The following TCAIM variants were observed in gnomAD, a reference collection of about 807,000 sequenced individuals.
TCAIM encodes T cell activation inhibitor, mitochondrial, also known as T-cell activation inhibitor, mitochondrial.
Under a neutral mutation model 58.6 loss-of-function variants are expected in TCAIM, and 36 were observed. That is an observed-to-expected ratio of 0.61 (90% CI 0.47 to 0.81). TCAIM has a LOEUF of 0.81. Among genes scored for constraint, TCAIM ranks in the 30% least tolerant of loss-of-function variants. The probability of loss-of-function intolerance (pLI) is 0.00; values close to 1 mark genes in which losing one functional copy is unlikely to be tolerated. For synonymous variants in TCAIM, 172 were observed against 193.6 expected (o/e 0.89, Z 0.93); for missense variants, 466 against 579.6 (o/e 0.80, Z 2.01).
intron 8 of TCAIM, among the ~76,000 whole-genome samples, chr3:44,399,891 G>T: frequency 6.6e-6 from 1 of 152,138 alleles, no homozygotes. Context: ...GAAGTGTCCA[G>T]CTCAGTGCTT....
chr3:44,405,776 C>A (rs1702090442), intron 10 of TCAIM, among the ~76,000 whole-genome samples: 1 of 151,342 alleles, frequency 6.6e-6, no homozygotes, highest in Admixed American at 6.6e-5. Flanking sequence ...GCCAACATGG[C>A]AAAACCCTGC....
chr3:44,349,245 G>T (rs549435562), intron 1 of TCAIM, among the ~76,000 whole-genome samples: 24 of 152,274 alleles, frequency 1.6e-4, no homozygotes, highest in Non-Finnish European at 1.5e-5. Flanking sequence ...ACGTGTAAAA[G>T]AATGCCTGGA....
At chr3:44,354,074 T>C (rs1701146117) in intron 1 of TCAIM, among the ~76,000 whole-genome samples, 1 of 152,214 alleles carries the variant, frequency 6.6e-6, no homozygotes, top group Non-Finnish European at 1.5e-5. Flanking sequence ...CTGTGACCCA[T>C]TTTGAGTTAA....
intron 1 of TCAIM, among the ~76,000 whole-genome samples, chr3:44,342,633 A>G (rs1295616959): frequency 6.6e-6 from 1 of 152,060 alleles, no homozygotes; most frequent in Non-Finnish European, 1.5e-5. Flanking sequence ...ACTTGAACCC[A>G]CTAAACATCT....
intron 5 of TCAIM, among the ~76,000 whole-genome samples, chr3:44,370,896 C>G (rs901198904): frequency 1.8e-4 from 27 of 146,662 alleles, no homozygotes; most frequent in Non-Finnish European, 6.0e-5. Context: ...CATGTGCCAC[C>G]ATACCTGGCT....
intron 5 of TCAIM, among the ~76,000 whole-genome samples, chr3:44,389,726 G>A (rs1701801648): frequency 6.8e-6 from 1 of 147,490 alleles, no homozygotes; most frequent in South Asian, 2.3e-4. Flanking sequence ...ATTATTAATT[G>A]CTATGCAAAG....
intron 5 of TCAIM, among the ~76,000 whole-genome samples, chr3:44,370,251 G>T (rs1337973170): frequency 6.6e-6 from 1 of 152,042 alleles, no homozygotes; most frequent in Non-Finnish European, 1.5e-5. Context: ...CACAAGGTCA[G>T]GAGATCAAGA....
At chr3:44,397,085 C>A (rs1275679815) in intron 8 of TCAIM, among the ~76,000 whole-genome samples, 1 of 152,086 alleles carries the variant, frequency 6.6e-6, no homozygotes, top group African/African-American at 2.4e-5. Context: ...TGAAGCACAG[C>A]CTGAAAGCCT....
intron 8 of TCAIM, among the ~76,000 whole-genome samples, chr3:44,398,536 T>A (rs1297507888): frequency 6.6e-6 from 1 of 151,970 alleles, no homozygotes; most frequent in African/African-American, 2.4e-5. Flanking sequence ...CCAGGACGGC[T>A]AAAATGAAAA....
In TCAIM at chr3:44,357,799, G is replaced by C; in HGVS notation, c.88G>C (p.Ala30Pro). 6.2e-7 allele frequency: 1 copy of C among 1,614,168 alleles called. No individual in the cohort carries two copies. Among genetic ancestry groups the C allele is most frequent in the Non-Finnish European group, 8.5e-7 (1 of 1,180,022 alleles). Residue 30 changes from alanine (A) to proline (P), a missense_variant, in exon 3 of 11, where the codon GCT becomes CCT. Transcript: ENST00000342649. ...WFPFSRALSG[A>P]EAVNALRPFY... The stretch of plus-strand genomic sequence containing the variant: ...TCCCTTTTCAAGAGCTTTATCGGGA[G>C]CTGAAGCAGTCAATGCCTTGAGGCC...
intron 5 of TCAIM, among the ~76,000 whole-genome samples, chr3:44,370,073 G>A (rs569179316): frequency 8.9e-6 from 1 of 111,950 alleles, no homozygotes; most frequent in South Asian, 4.5e-4. Context: ...GATAAGTTAT[G>A]TTGCTGTGAA....
At chr3:44,367,795 AT>A in intron 5 of TCAIM, 87 bp downstream of exon 5, 1 of 1,326,486 alleles carries the variant, frequency 7.5e-7, no homozygotes, top group South Asian at 1.8e-5. Context: ...ACATTTTTTT[AT>A]AAATAAAAAG....
At chr3:44,358,321 A>G in intron 3 of TCAIM, 5 of 818,024 alleles carry the variant, frequency 6.1e-6, no homozygotes, top group African/African-American at 1.7e-5. Flanking sequence ...CCAGGAATAC[A>G]AACTGATATG....
chr3:44,391,680 C>T (rs1202771287), intron 5 of TCAIM, among the ~76,000 whole-genome samples: 1 of 151,932 alleles, frequency 6.6e-6, no homozygotes, highest in Non-Finnish European at 1.5e-5. Context: ...GTGAAGAGGC[C>T]CTCCTGGAAG....
chr3:44,349,610 TG>T (rs1181726147), intron 1 of TCAIM, among the ~76,000 whole-genome samples: 1 of 152,108 alleles, frequency 6.6e-6, no homozygotes, highest in Non-Finnish European at 1.5e-5. Flanking sequence ...GTCCCCGTGG[TG>T]ATAACACACC....
chr3:44,392,881 G>A lies in TCAIM; in HGVS notation c.599G>A (p.Ser200Asn), dbSNP rs1257529113. The A allele has an allele frequency of 6.2e-6, 10 of 1,613,114 alleles. No homozygotes were observed. In the African/African-American group the frequency reaches 1.1e-4, roughly 17 times the overall value. Residue 200 changes from serine to asparagine, a missense_variant, in exon 6 of 11, where the codon AGT becomes AAT. Coordinates refer to ENST00000342649, the MANE Select transcript of TCAIM (RefSeq NM_173826.4). ...TCCTGGTTAGATAACAATGGGAAAA[G>A]TGCTGTTAAAAAGCTAAAGAACAGT... Reference protein sequence around the residue: ...LTSWLDNNGKSAVKKLKNSLP... With the variant: ...LTSWLDNNGKNAVKKLKNSLP...
chr3:44,338,770 T>A lies in TCAIM; in HGVS notation c.-109T>A, dbSNP rs904511544. ...CGGGCGGAGCGACTGTCCTCCCTTC[T>A]GGTGTACTGGGTGGGAGGTGGAACT... On this transcript the variant is annotated 5_prime_UTR_variant, in exon 1 of 11. Coordinates refer to ENST00000342649, the MANE Select transcript of TCAIM (RefSeq NM_173826.4). 1 of 152,292 alleles carries A rather than the reference T, an allele frequency of 6.6e-6. No homozygotes were observed. The highest frequency in any genetic ancestry group is 1.5e-5 in the Non-Finnish European group (1 of 68,102). 9.4% of individuals were successfully genotyped at this position (152,292 alleles called of 1,614,324 possible).
intron 1 of TCAIM, among the ~76,000 whole-genome samples, chr3:44,342,912 G>A (rs577626983): frequency 2.3e-4 from 35 of 152,096 alleles, no homozygotes; most frequent in Non-Finnish European, 3.8e-4. Context: ...CGAGGAAGGA[G>A]GATCAGCTGA....
intron 1 of TCAIM, among the ~76,000 whole-genome samples, chr3:44,342,386 C>T (rs1211934301): frequency 1.3e-5 from 2 of 152,162 alleles, no homozygotes; most frequent in African/African-American, 4.8e-5. Flanking sequence ...AGAAAAAGCA[C>T]ACACCACTCA....
Sources: allele counts gnomAD v4.1 joint callset (sites outside exome capture counted in the v4.1 genomes callset), GRCh38; gene constraint gnomAD v4.1.1; transcripts MANE v1.5; gene names NCBI Gene and HGNC (gene_info 2026-07-23, HGNC 2026-07-21).